Variants in DOCK2 observed in about 807,000 individuals in gnomAD.
The protein encoded by DOCK2 is dedicator of cytokinesis protein 2.
In DOCK2, 87 loss-of-function variants were observed where a neutral mutation model predicts 248.9. The observed-to-expected ratio is 0.35, with a 90% CI of 0.29 to 0.42. The LOEUF is 0.42. DOCK2 is among the 10% of genes least tolerant of loss of function. DOCK2 has a pLI of 1.00. For synonymous variants in DOCK2, 805 were observed against 821.6 expected, an observed-to-expected ratio of 0.98 and a Z score of 0.35; for missense variants, 1,747 against 2,300.2, an observed-to-expected ratio of 0.76 and a Z score of 4.92.
At chr5:169,896,358 C>A (rs1444280901) in intron 27 of DOCK2, among the ~76,000 whole-genome samples, 1 of 152,100 alleles carries the variant, frequency 6.6e-6, no homozygotes, top group Admixed American at 6.5e-5. Context: ...GCATGGTGGA[C>A]AAGAGCTTGC....
intron 8 of DOCK2, 86 bp downstream of exon 8, chr5:169,684,436 C>A (rs946712970): frequency 2.0e-6 from 3 of 1,489,082 alleles, no homozygotes; most frequent in East Asian, 4.6e-5. Flanking sequence ...ACTTGTGGAG[C>A]AATCTCCACC....
chr5:170,047,859 G>A (rs554843709), intron 40 of DOCK2, among the ~76,000 whole-genome samples: 113 of 152,260 alleles, frequency 7.4e-4, no homozygotes, highest in African/African-American at 2.4e-3. Flanking sequence ...TGAGTTCCCC[G>A]TCACTGGAAT....
intron 27 of DOCK2, among the ~76,000 whole-genome samples, chr5:169,888,166 C>T (rs1283635206): frequency 6.6e-6 from 1 of 152,150 alleles, no homozygotes; most frequent in African/African-American, 2.4e-5. Flanking sequence ...TGTGTCGGAA[C>T]TCTCCTGCCC....
intron 27 of DOCK2, among the ~76,000 whole-genome samples, chr5:169,976,708 G>A (rs1188682147): frequency 1.3e-5 from 2 of 152,280 alleles, no homozygotes; most frequent in African/African-American, 2.4e-5. Flanking sequence ...GCCCCTCTTC[G>A]AGCCTTGATT....
At chr5:169,739,309 G>A (rs896209656) in intron 22 of DOCK2, among the ~76,000 whole-genome samples, 4 of 152,178 alleles carry the variant, frequency 2.6e-5, no homozygotes, top group Admixed American at 2.6e-4. Context: ...TTCTGTAATT[G>A]TAGAGGGAAA....
At chr5:169,876,712 T>G (rs893182103) in intron 27 of DOCK2, among the ~76,000 whole-genome samples, 1 of 152,240 alleles carries the variant, frequency 6.6e-6, no homozygotes, top group African/African-American at 2.4e-5. Context: ...ACCAGTTACA[T>G]AGAAGCCCTC....
At chr5:169,967,472 TG>T (rs1777345108) in intron 27 of DOCK2, among the ~76,000 whole-genome samples, 2 of 152,250 alleles carry the variant, frequency 1.3e-5, no homozygotes, top group South Asian at 4.1e-4. Flanking sequence ...AAGTTCTGTG[TG>T]GCCGGATGAT....
intron 27 of DOCK2, among the ~76,000 whole-genome samples, chr5:169,981,914 A>T (rs1269888604): frequency 1.3e-5 from 2 of 152,210 alleles, no homozygotes; most frequent in Non-Finnish European, 2.9e-5. Context: ...CATTCATGCG[A>T]CTGGCTTGAT....
At chr5:170,029,255 T>C (rs1404429440) in intron 34 of DOCK2, among the ~76,000 whole-genome samples, 1 of 152,236 alleles carries the variant, frequency 6.6e-6, no homozygotes, top group African/African-American at 2.4e-5. Flanking sequence ...ATCTGTCTTA[T>C]TGATTACAGC....
intron 26 of DOCK2, among the ~76,000 whole-genome samples, chr5:169,807,405 T>C (rs1467699377): frequency 6.6e-6 from 1 of 152,216 alleles, no homozygotes; most frequent in Non-Finnish European, 1.5e-5. Context: ...GTAGAGGCCA[T>C]GCTCAGAAAC....
At chr5:170,039,452 G>A (rs373766165) in intron 36 of DOCK2, among the ~76,000 whole-genome samples, 15 of 152,258 alleles carry the variant, frequency 9.9e-5, no homozygotes, top group South Asian at 2.1e-4. Flanking sequence ...CAGTGCCTGC[G>A]TTTGTCACTG....
Position 170,056,740 on chromosome 5 carries a change from G to A in DOCK2, c.4352G>A (p.Gly1451Glu), listed in dbSNP as rs199755413. Residue 1451 changes from glycine (G) to glutamate (E), a missense_variant, in exon 43 of 52, where the codon GGG becomes GAG. By Grantham distance (98) the Gly-to-Glu change is moderately conservative. Around this residue, in one of 4 missense-constraint regions of DOCK2, gnomAD observed 513 missense variants for 586.1 expected, o/e 0.88. Transcript: ENST00000520908. ...CACTACTCCCGGCCCGTGCGCAGGGGGACCGTAGACCCAGAGAATGAGTTT... is the reference window on the plus strand; with the variant it reads ...CACTACTCCCGGCCCGTGCGCAGGGAGACCGTAGACCCAGAGAATGAGTTT... Reference protein sequence around the residue: ...RFHYSRPVRRGTVDPENEFAS... With the variant: ...RFHYSRPVRRETVDPENEFAS... 3.1e-6 allele frequency: 5 copies of A among 1,613,992 alleles called. No homozygotes were observed. The highest frequency in any genetic ancestry group is 2.2e-5 in the East Asian group (1 of 44,874).
At chr5:169,748,536 A>C (rs1002031187) in intron 23 of DOCK2, among the ~76,000 whole-genome samples, 3 of 152,232 alleles carry the variant, frequency 2.0e-5, no homozygotes, top group Non-Finnish European at 4.4e-5. Context: ...TTTAACAAAC[A>C]GTGGAAACCT....
chr5:170,046,867 C>G (rs1756733536), intron 39 of DOCK2, among the ~76,000 whole-genome samples: 1 of 152,098 alleles, frequency 6.6e-6, no homozygotes, highest in Non-Finnish European at 1.5e-5. Flanking sequence ...CCGTCTAGAT[C>G]CACATATATC....
intron 27 of DOCK2, among the ~76,000 whole-genome samples, chr5:169,948,831 CT>C (rs559522558): frequency 1.3e-5 from 2 of 149,556 alleles, no homozygotes; most frequent in African/African-American, 2.4e-5. Flanking sequence ...TGGTTTGTCT[CT>C]TTTTTTTTTC....
chr5:169,805,725 G>A (rs1172995899), intron 26 of DOCK2, among the ~76,000 whole-genome samples: 1 of 152,216 alleles, frequency 6.6e-6, no homozygotes, highest in Non-Finnish European at 1.5e-5. Context: ...CTGGTGAGAA[G>A]AGGCTGCTTG....
chr5:169,755,822 A>C (rs1581144764), intron 23 of DOCK2, among the ~76,000 whole-genome samples: 1 of 152,354 alleles, frequency 6.6e-6, no homozygotes, highest in Middle Eastern at 3.4e-3. Context: ...CATGTAACAT[A>C]TGGAGTCTCC....
At chr5:169,766,536 C>G (rs1245214435) in intron 25 of DOCK2, among the ~76,000 whole-genome samples, 2 of 152,152 alleles carry the variant, frequency 1.3e-5, no homozygotes, top group Admixed American at 1.3e-4. Context: ...TGAACATACA[C>G]AGGCATATGT....
At chr5:169,786,499 G>A (rs114254961) in intron 25 of DOCK2, among the ~76,000 whole-genome samples, 2,191 of 152,288 alleles carry the variant, frequency 0.014, 29 homozygotes, top group Middle Eastern at 0.041. Flanking sequence ...TGTGGAAGGT[G>A]GGAGAAAGAA....
Sources: allele counts gnomAD v4.1 joint callset (sites outside exome capture counted in the v4.1 genomes callset), GRCh38; gene constraint gnomAD v4.1.1; regional missense constraint gnomAD v4.1.1; transcripts MANE v1.5; gene names NCBI Gene and HGNC (gene_info 2026-07-23, HGNC 2026-07-21).